TAF4: variants seen among roughly 807,000 people sequenced by gnomAD.
The protein encoded by TAF4 is transcription initiation factor TFIID subunit 4.
TAF4 carries 9 observed loss-of-function variants against 90.3 expected under a neutral mutation model. The ratio of observed to expected loss-of-function variants is 0.10; its 90% confidence interval spans 0.06 to 0.17. The LOEUF is 0.17. Among genes scored for constraint, TAF4 ranks in the 10% least tolerant of loss-of-function variants. The probability of loss-of-function intolerance (pLI) is 1.00; values close to 1 mark genes in which losing one functional copy is unlikely to be tolerated. For missense variants in TAF4, 1,351 were observed against 1,370.7 expected (o/e 0.99, Z 0.23); for synonymous variants, 818 against 638.9 (o/e 1.28, Z -4.23).
At chr20:62,031,200 C>A (rs2055902368) in intron 1 of TAF4, among the ~76,000 whole-genome samples, 1 of 152,196 alleles carries the variant, frequency 6.6e-6, no homozygotes, top group South Asian at 2.1e-4. Flanking sequence ...ACTTCACTGA[C>A]TCCCTCTTTC....
chr20:62,001,536 G>A (rs1469803166), intron 9 of TAF4, among the ~76,000 whole-genome samples: 1 of 152,164 alleles, frequency 6.6e-6, no homozygotes, highest in African/African-American at 2.4e-5. Context: ...TCCAGCAGTG[G>A]GCTTTGAACG....
intron 14 of TAF4, among the ~76,000 whole-genome samples, chr20:61,982,346 C>T (rs1158011354): frequency 2.1e-3 from 73 of 34,826 alleles, no homozygotes; most frequent in Non-Finnish European, 5.7e-4. Flanking sequence ...CCACACCCAC[C>T]CTAGAGGAGA....
At chr20:61,985,550 C>CTCCAGGTA (rs1491374668) in intron 14 of TAF4, among the ~76,000 whole-genome samples, 10 of 152,044 alleles carry the variant, frequency 6.6e-5, no homozygotes, top group Non-Finnish European at 1.3e-4. Flanking sequence ...AAATGCTACA[C>CTCCAGGTA]TCCAGGTAGT....
At chr20:62,059,923 A>G (rs2056080190) in intron 1 of TAF4, among the ~76,000 whole-genome samples, 1 of 152,218 alleles carries the variant, frequency 6.6e-6, no homozygotes, top group African/African-American at 2.4e-5. Context: ...GCTTTCTTCA[A>G]ATTTATCCCT....
intron 14 of TAF4, among the ~76,000 whole-genome samples, chr20:61,994,553 CTA>C (rs1227304536): frequency 4.6e-5 from 7 of 152,248 alleles, no homozygotes; most frequent in African/African-American, 1.7e-4. Flanking sequence ...TGCCAAAACT[CTA>C]GTGTCTGTTA....
intron 1 of TAF4, among the ~76,000 whole-genome samples, chr20:62,062,653 T>C (rs2056095856): frequency 6.6e-6 from 1 of 152,190 alleles, no homozygotes; most frequent in Non-Finnish European, 1.5e-5. Context: ...TGTCTCTTCA[T>C]CAAACACACC....
rs1488580151 is a variant in TAF4, at chr20:62,009,185, G to A, written c.1762-11C>T. On this transcript the variant is annotated splice_polypyrimidine_tract_variant and intron_variant, in intron 4 of 14. Coordinates refer to ENST00000252996, the MANE Select transcript of TAF4 (RefSeq NM_003185.4). ...GTTTTCCATAGTTTCCTGGATTAAAGTAAAAAGATATAAGTGAAAAATCTT... is the reference window on the plus strand; with the variant it reads ...GTTTTCCATAGTTTCCTGGATTAAAATAAAAAGATATAAGTGAAAAATCTT... The A allele has an allele frequency of 6.3e-7, 1 of 1,598,350 alleles. No individual in the cohort carries two copies. The highest frequency in any genetic ancestry group is 1.1e-5 in the South Asian group (1 of 87,320).
Position 62,002,570 on chromosome 20 carries a change from A to T in TAF4, c.2486+590T>A, listed in dbSNP as rs558210546. 1.3e-5 allele frequency among the ~76,000 whole-genome samples: 2 copies of T among 152,312 alleles called. 1 individual carries two copies. Among genetic ancestry groups the T allele is most frequent in the Non-Finnish European group, 2.9e-5 (2 of 68,022 alleles). The stretch of plus-strand genomic sequence containing the variant: ...CACTGCTAAAACCATAGCTCACTGT[A>T]ACACTGAACTCCTGGGCAGAAGTGA... On this transcript the variant is annotated intron_variant, in intron 9 of 14. Coordinates refer to ENST00000252996, the MANE Select transcript of TAF4 (RefSeq NM_003185.4).
intron 2 of TAF4, among the ~76,000 whole-genome samples, 161 bp downstream of exon 2, chr20:62,014,386 C>T (rs918245642): frequency 3.3e-5 from 5 of 152,156 alleles, no homozygotes; most frequent in Admixed American, 6.5e-5. Flanking sequence ...AGCGCCGTCC[C>T]GGGCCCATCC....
chr20:61,997,888 CA>C (rs1373467931), intron 13 of TAF4, among the ~76,000 whole-genome samples: 1 of 152,106 alleles, frequency 6.6e-6, no homozygotes, highest in Non-Finnish European at 1.5e-5. Flanking sequence ...AAAATATACG[CA>C]AGTCAAAAGC....
chr20:62,056,263 G>A (rs923819740), intron 1 of TAF4, among the ~76,000 whole-genome samples: 6 of 152,102 alleles, frequency 3.9e-5, no homozygotes, highest in East Asian at 1.9e-4. Context: ...ACAAGAACGC[G>A]CTTATACAAA....
intron 7 of TAF4, 31 bp from the exon 8 acceptor site, chr20:62,003,909 A>G: frequency 6.6e-7 from 1 of 1,516,988 alleles, no homozygotes; most frequent in East Asian, 2.3e-5. Flanking sequence ...AATGGTGAGC[A>G]TGCTCCCCGA....
intron 1 of TAF4, among the ~76,000 whole-genome samples, chr20:62,018,725 C>T (rs73915534): frequency 0.03 from 4,569 of 152,320 alleles, 177 homozygotes; most frequent in African/African-American, 0.089. Flanking sequence ...CTCTCGGATA[C>T]AGAGGCACAA....
intron 1 of TAF4, among the ~76,000 whole-genome samples, chr20:62,033,929 C>A (rs1156418518): frequency 6.6e-6 from 1 of 151,622 alleles, no homozygotes; most frequent in African/African-American, 2.4e-5. Context: ...GTAGTCCCTA[C>A]TACTTGGGAG....
intron 1 of TAF4, among the ~76,000 whole-genome samples, chr20:62,039,072 G>C (rs943344812): frequency 2.6e-5 from 4 of 152,088 alleles, no homozygotes; most frequent in African/African-American, 9.7e-5. Context: ...CAAACAAAAA[G>C]CTATCAAGGT....
At chr20:62,021,711 GGGGTGGGT>G (rs1170068674) in intron 1 of TAF4, among the ~76,000 whole-genome samples, 2 of 152,240 alleles carry the variant, frequency 1.3e-5, no homozygotes, top group Non-Finnish European at 2.9e-5. Flanking sequence ...CAGTTAAAAG[GGGGTGGGT>G]GGGCCAGCAG....
intron 1 of TAF4, among the ~76,000 whole-genome samples, chr20:62,022,705 G>A (rs2055850249): frequency 6.6e-6 from 1 of 152,196 alleles, no homozygotes; most frequent in African/African-American, 2.4e-5. Context: ...TAAAGCAAGT[G>A]TTCTCTCCCA....
chr20:61,999,160 C>T (rs2296083), intron 11 of TAF4, 52 bp from the exon 12 acceptor site: 1,023,701 of 1,599,750 alleles, frequency 0.64, 329,470 homozygotes, highest in Middle Eastern at 0.74. Context: ...GCCCAGCAAG[C>T]AAAGGGGTTG....
chr20:61,999,252 T>C, intron 11 of TAF4, 144 bp from the exon 12 acceptor site: 4 of 1,028,908 alleles, frequency 3.9e-6, no homozygotes, highest in Middle Eastern at 3.0e-4. Context: ...CCTCCCACCC[T>C]GCAAATGCTG....
Sources: allele counts gnomAD v4.1 joint callset (sites outside exome capture counted in the v4.1 genomes callset), GRCh38; gene constraint gnomAD v4.1.1; transcripts MANE v1.5; gene names NCBI Gene and HGNC (gene_info 2026-07-23, HGNC 2026-07-21).